Variants in GLIS3 observed in about 807,000 individuals in gnomAD.
The protein encoded by GLIS3 is zinc finger protein GLIS3.
In GLIS3, 53 loss-of-function variants were observed where a neutral mutation model predicts 78.6. The observed-to-expected ratio is 0.67, with a 90% CI of 0.54 to 0.85. The LOEUF is 0.85. GLIS3 is among the 40% of genes least tolerant of loss of function. GLIS3 has a pLI of 0.00. For missense variants in GLIS3, 1,703 were observed against 1,231.1 expected, an observed-to-expected ratio of 1.38 and a Z score of -5.74; for synonymous variants, 684 against 509.9, an observed-to-expected ratio of 1.34 and a Z score of -4.60.
the GLIS3 span, among the ~76,000 whole-genome samples, chr9:4,458,525 CACTCCTGTA>C: frequency 1.3e-5 from 2 of 152,312 alleles, no homozygotes; most frequent in Admixed American, 1.3e-4. Flanking sequence ...TGCAGTGGCT[CACTCCTGTA>C]ATCCCAGCAC....
the GLIS3 span, among the ~76,000 whole-genome samples, chr9:4,437,132 AT>A: frequency 6.6e-6 from 1 of 152,086 alleles, no homozygotes; most frequent in African/African-American, 2.4e-5. Flanking sequence ...CAGTGTGAAG[AT>A]TTTCTCACCT....
chr9:4,360,247 T>C, the GLIS3 span, among the ~76,000 whole-genome samples: 6 of 152,158 alleles, frequency 3.9e-5, no homozygotes, highest in East Asian at 9.6e-4. Context: ...ACGCGCTCTG[T>C]GTCTCAGCAT....
intron 7 of GLIS3, 82 bp from the exon 8 acceptor site, chr9:3,879,677 A>G (rs914920238): frequency 2.6e-5 from 37 of 1,448,682 alleles, no homozygotes; most frequent in Non-Finnish European, 3.2e-5. Flanking sequence ...GACAGCAAGC[A>G]TATTTGAGGG....
chr9:4,330,287 G>C (rs781369802), intron 2 of GLIS3, among the ~76,000 whole-genome samples: 2 of 152,224 alleles, frequency 1.3e-5, no homozygotes, highest in Non-Finnish European at 2.9e-5. Flanking sequence ...AAATCACCTG[G>C]AAGGCCTGTT....
At chr9:4,332,078 G>C (rs1385342385) in intron 2 of GLIS3, among the ~76,000 whole-genome samples, 1 of 152,094 alleles carries the variant, frequency 6.6e-6, no homozygotes, top group African/African-American at 2.4e-5. Context: ...TTCCTCCAAG[G>C]ATTTCTCATA....
intron 8 of GLIS3, chr9:3,875,623 G>A (rs946728300): frequency 3.3e-5 from 5 of 152,204 alleles, no homozygotes; most frequent in African/African-American, 7.2e-5. Flanking sequence ...CGGAAGGTAA[G>A]CACATTTCCT....
intron 9 of GLIS3, among the ~76,000 whole-genome samples, chr9:3,840,892 G>C (rs1448654165): frequency 1.3e-5 from 2 of 152,156 alleles, no homozygotes; most frequent in Non-Finnish European, 2.9e-5. Context: ...TAGCAAGCTG[G>C]AAACAGCATT....
At chr9:4,092,101 A>C (rs1486839367) in intron 4 of GLIS3, among the ~76,000 whole-genome samples, 2 of 152,050 alleles carry the variant, frequency 1.3e-5, no homozygotes, top group Non-Finnish European at 2.9e-5. Flanking sequence ...AAATCTATTA[A>C]AAATTTTTCT....
At chr9:3,914,636 G>C (rs954129136) in intron 6 of GLIS3, among the ~76,000 whole-genome samples, 2 of 152,184 alleles carry the variant, frequency 1.3e-5, no homozygotes, top group Non-Finnish European at 2.9e-5. Context: ...TGGAAGGGCT[G>C]GGAACAAATC....
chr9:4,054,219 A>C (rs1825953479), intron 4 of GLIS3: 1 of 554,374 alleles, frequency 1.8e-6, no homozygotes, highest in African/African-American at 2.0e-5. Flanking sequence ...CACCAGCAGA[A>C]CATCAGCTCT....
At chr9:4,287,182 G>A (rs1355831699) in intron 1 of GLIS3, among the ~76,000 whole-genome samples, 1 of 152,150 alleles carries the variant, frequency 6.6e-6, no homozygotes, top group Non-Finnish European at 1.5e-5. Context: ...ATCAACAACA[G>A]GATACTGCAA....
chr9:3,891,814 A>T (rs1334686929), intron 7 of GLIS3, among the ~76,000 whole-genome samples: 1 of 151,908 alleles, frequency 6.6e-6, no homozygotes, highest in Non-Finnish European at 1.5e-5. Context: ...CCAACTGCAA[A>T]ATCTTGTAGG....
At position 3,870,446 on chromosome 9, in the gene GLIS3, G is replaced by A. The variant is rs112415865; in HGVS notation, c.2297+8981C>T. On this transcript the variant is annotated intron_variant, in intron 8 of 10. Transcript: ENST00000381971. ...CCCTATATTAGTCTGTTTTCATGCT[G>A]CTGTTAAAGACGTACCTGAGACTGG... Among the ~76,000 whole-genome samples the A allele has an allele frequency of 8.3e-3, 1,261 of 152,236 alleles. 18 individuals are homozygous for A. Among genetic ancestry groups the A allele is most frequent in the African/African-American group, 0.029 (1,221 of 41,528 alleles).
chr9:4,429,675 G>A, the GLIS3 span, among the ~76,000 whole-genome samples: 3 of 152,136 alleles, frequency 2.0e-5, no homozygotes, highest in African/African-American at 7.2e-5. Context: ...GGTTCATGAG[G>A]ATAGAGACTG....
chr9:3,893,756 G>C (rs750576369), intron 7 of GLIS3, among the ~76,000 whole-genome samples: 14 of 152,224 alleles, frequency 9.2e-5, no homozygotes, highest in Non-Finnish European at 1.9e-4. Flanking sequence ...TGTTAGAACT[G>C]TCTGGCACAA....
the GLIS3 span, among the ~76,000 whole-genome samples, chr9:4,380,874 C>T: frequency 1.3e-5 from 2 of 152,132 alleles, no homozygotes; most frequent in African/African-American, 4.8e-5. Context: ...TCTTATCTCT[C>T]AAAATGTCTC....
At chr9:4,098,409 T>C (rs1012809136) in intron 4 of GLIS3, among the ~76,000 whole-genome samples, 6 of 152,154 alleles carry the variant, frequency 3.9e-5, no homozygotes, top group African/African-American at 1.2e-4. Context: ...CCACTAACAT[T>C]TTCCATGAGC....
intron 4 of GLIS3, among the ~76,000 whole-genome samples, chr9:4,027,669 T>C (rs967152886): frequency 2.6e-5 from 4 of 152,194 alleles, no homozygotes; most frequent in Admixed American, 1.3e-4. Flanking sequence ...TCCTAAACAG[T>C]CTGATAAGCT....
chr9:4,423,767 T>C, the GLIS3 span, among the ~76,000 whole-genome samples: 1 of 152,206 alleles, frequency 6.6e-6, no homozygotes, highest in East Asian at 1.9e-4. Context: ...CAGGCTATCT[T>C]TCCTGGTATT....
Sources: gnomAD v4.1 joint callset for allele counts (sites outside exome capture counted in the v4.1 genomes callset) on GRCh38, gnomAD v4.1.1 for gene constraint, MANE v1.5 for transcripts, NCBI Gene and HGNC (gene_info 2026-07-23, HGNC 2026-07-21) for gene names.